Variants in SV2B observed in about 807,000 individuals in gnomAD.
SV2B encodes solute carrier family 22 member B2.
A neutral mutation model predicts 73.9 loss-of-function variants in SV2B; 41 were observed. That is an observed-to-expected ratio of 0.56 (90% CI 0.43 to 0.72). The LOEUF (loss-of-function observed/expected upper bound fraction) is 0.72, where lower values mean the gene tolerates loss of function less well. SV2B is among the 30% of genes least tolerant of loss of function. The pLI is 0.00. For missense variants in SV2B, 764 were observed against 857.8 expected, an observed-to-expected ratio of 0.89 and a Z score of 1.37; for synonymous variants, 314 against 314.2, an observed-to-expected ratio of 1.00 and a Z score of 0.01.
intron 1 of SV2B, among the ~76,000 whole-genome samples, chr15:91,206,041 T>C (rs145931674): frequency 6.6e-6 from 1 of 151,852 alleles, no homozygotes; most frequent in East Asian, 1.9e-4. Context: ...TGGTTGTGGG[T>C]GGTTGTTTGT....
chr15:91,163,562 C>G (rs2043802733), intron 1 of SV2B, among the ~76,000 whole-genome samples: 1 of 152,154 alleles, frequency 6.6e-6, no homozygotes, highest in Admixed American at 6.5e-5. Flanking sequence ...TAAATGTCTT[C>G]TTTTGAGAAG....
chr15:91,208,124 C>T (rs923893415), intron 1 of SV2B, among the ~76,000 whole-genome samples: 4 of 152,102 alleles, frequency 2.6e-5, no homozygotes, highest in Non-Finnish European at 4.4e-5. Context: ...CCATCAATAT[C>T]GACAGTCTCA....
chr15:91,252,143 C>G lies in SV2B; in HGVS notation c.632+144C>G. The G allele has an allele frequency of 8.0e-7, 1 of 1,245,880 alleles. No homozygotes were observed. The highest frequency in any genetic ancestry group is 1.1e-6 in the Non-Finnish European group (1 of 912,062). The allele number at this position is 1,245,880 out of a possible 1,614,324, so 77.2% of individuals were successfully genotyped here. On this transcript the variant is annotated intron_variant, in intron 3 of 12. Coordinates refer to ENST00000394232, the MANE Select transcript of SV2B (RefSeq NM_001323032.3). The surrounding 1 kb of genome is among the most constrained non-coding windows in gnomAD (Gnocchi z 4.6). ...TTCAGGATACTATATTAAAGTTGAA[C>G]CTTAGAAAGAGTTAGGGTTAGGATT...
In SV2B at chr15:91,226,392, C is replaced by T. The variant is rs138595617; in HGVS notation, c.129C>T (p.Asp43=). 118 of 1,614,042 alleles carry T rather than the reference C, an allele frequency of 7.3e-5. No homozygotes were observed. The highest frequency in any genetic ancestry group is 3.3e-4 in the Middle Eastern group (2 of 6,084). ...TCACCGAAGGCCATGATGAGGAAGA[C>T]GAGATCTATGAGGGCGAGTACCAGG... ...SDVTEGHDEE[D]EIYEGEYQGI... Residue 43 remains aspartate (D), a synonymous_variant, in exon 2 of 13, where the codon GAC becomes GAT. Coordinates refer to ENST00000394232, the MANE Select transcript of SV2B (RefSeq NM_001323032.3).
At chr15:91,119,205 T>C (rs780615610) in intron 1 of SV2B, among the ~76,000 whole-genome samples, 10 of 152,280 alleles carry the variant, frequency 6.6e-5, no homozygotes, top group Non-Finnish European at 1.0e-4. Context: ...AGCTATCTTT[T>C]TAAGGATAAA....
chr15:91,104,450 A>G (rs1259139276), intron 1 of SV2B, among the ~76,000 whole-genome samples: 1 of 152,218 alleles, frequency 6.6e-6, no homozygotes, highest in Non-Finnish European at 1.5e-5. Context: ...CCGTCACTTT[A>G]TCTTTGTCTA....
chr15:91,191,867 C>A (rs1211887854), intron 1 of SV2B, among the ~76,000 whole-genome samples: 1 of 152,084 alleles, frequency 6.6e-6, no homozygotes, highest in East Asian at 1.9e-4. Context: ...ATCTCATTTT[C>A]TTTTTGAAAA....
chr15:91,147,571 C>T (rs963014285), intron 1 of SV2B, among the ~76,000 whole-genome samples: 6 of 152,148 alleles, frequency 3.9e-5, no homozygotes, highest in South Asian at 2.1e-4. Context: ...CCCTTTTCTG[C>T]TCTTTAAGGC....
chr15:91,225,021 A>G (rs1391729622), intron 1 of SV2B, among the ~76,000 whole-genome samples: 2 of 152,228 alleles, frequency 1.3e-5, no homozygotes, highest in Non-Finnish European at 2.9e-5. Flanking sequence ...CTTAAATAGT[A>G]TTTACCCGTG....
chr15:91,252,607 A>C lies in SV2B; in HGVS notation c.784+87A>C. 1 of 1,405,832 alleles carries C rather than the reference A, an allele frequency of 7.1e-7. No individual in the cohort carries two copies. The highest frequency in any genetic ancestry group is 9.3e-7 in the Non-Finnish European group (1 of 1,069,648). 87.1% of individuals were successfully genotyped at this position (1,405,832 alleles called of 1,614,324 possible). ...TAGTTCCTGTCCTCAGCCTTATTCC[A>C]TGTACTCACGCACAGTTCCCGTACG... is the stretch of plus-strand genomic sequence containing the variant. On this transcript the variant is annotated intron_variant, in intron 4 of 12. Transcript: ENST00000394232. This position sits in a 1 kb window ranked among gnomAD's most constrained non-coding sequence, Gnocchi z 4.6.
chr15:91,257,047 AT>A (rs2047722170), intron 4 of SV2B, among the ~76,000 whole-genome samples: 1 of 152,236 alleles, frequency 6.6e-6, no homozygotes. Context: ...TCTTTCACAA[AT>A]ACCATTTGAA....
At chr15:91,112,999 A>T (rs746557139) in intron 1 of SV2B, among the ~76,000 whole-genome samples, 1 of 152,004 alleles carries the variant, frequency 6.6e-6, no homozygotes, top group Non-Finnish European at 1.5e-5. Flanking sequence ...TATTAAATTA[A>T]TTTTTTTCTT....
In SV2B at chr15:91,258,276, G is replaced by A. The variant is rs909770908; in HGVS notation, c.785-145G>A. 3.7e-6 allele frequency: 4 copies of A among 1,071,330 alleles called. No individual in the cohort carries two copies. The highest frequency in any genetic ancestry group is 5.1e-6 in the Non-Finnish European group (4 of 779,466). The allele number at this position is 1,071,330 out of a possible 1,614,324, so 66.4% of individuals were successfully genotyped here. On this transcript the variant is annotated intron_variant, in intron 4 of 12. Coordinates refer to ENST00000394232, the MANE Select transcript of SV2B (RefSeq NM_001323032.3). This position sits in a 1 kb window ranked among gnomAD's most constrained non-coding sequence, Gnocchi z 4.7. ...GGCTTATGACTCAGAAGCTTCGGAG[G>A]CACAGCTGAGGAGTCTGCATTTTAA... is the stretch of plus-strand genomic sequence containing the variant.
In SV2B at chr15:91,288,718, C is replaced by T. The variant is rs2048944725; in HGVS notation, c.1709-803C>T. Among the ~76,000 whole-genome samples the T allele has an allele frequency of 6.6e-6, 1 of 151,822 alleles. No homozygotes were observed. The highest frequency in any genetic ancestry group is 1.5e-5 in the Non-Finnish European group (1 of 67,982). Reference sequence around the variant, plus strand: ...TTTTTGACAGTGTCTTGCTCTGTCACCCAGGCTGGAGTACAGTGGCGCCAT... The same window carrying T: ...TTTTTGACAGTGTCTTGCTCTGTCATCCAGGCTGGAGTACAGTGGCGCCAT... On this transcript the variant is annotated intron_variant, in intron 11 of 12. Coordinates refer to ENST00000394232, the MANE Select transcript of SV2B (RefSeq NM_001323032.3). The surrounding 1 kb of genome is among the most constrained non-coding windows in gnomAD (Gnocchi z 5.8).
intron 1 of SV2B, among the ~76,000 whole-genome samples, chr15:91,114,778 C>T (rs888908030): frequency 5.3e-5 from 8 of 152,166 alleles, no homozygotes; most frequent in East Asian, 1.9e-4. Flanking sequence ...AGCAGAAGAA[C>T]GGGTCTCTGG....
rs1055045768 is a variant in SV2B at position 91,195,359 on chromosome 15, T to G, written c.-391-30514T>G. Among the ~76,000 whole-genome samples, 11 of 152,264 alleles carry G rather than the reference T, an allele frequency of 7.2e-5. No individual in the cohort carries two copies. The East Asian group carries it at 2.1e-3, about 29-fold the overall frequency. ...ACTGTTTGTAGAGACAAGGTATCACTGTGTTGCCCACACTGGTCTTGAACT... is the reference window on the plus strand; with the variant it reads ...ACTGTTTGTAGAGACAAGGTATCACGGTGTTGCCCACACTGGTCTTGAACT... On this transcript the variant is annotated intron_variant, in intron 1 of 12. Coordinates refer to ENST00000394232, the MANE Select transcript of SV2B (RefSeq NM_001323032.3).
chr15:91,166,723 A>G (rs150943310), intron 1 of SV2B, among the ~76,000 whole-genome samples: 2,444 of 151,826 alleles, frequency 0.016, 26 homozygotes, highest in Middle Eastern at 0.051. Flanking sequence ...TTCCTGAGTC[A>G]TGTTTATTCC....
Position 91,283,994 on chromosome 15 carries a change from G to T in SV2B, c.1508-27G>T, listed in dbSNP as rs755840470. On this transcript the variant is annotated intron_variant, in intron 10 of 12. Coordinates refer to ENST00000394232, the MANE Select transcript of SV2B (RefSeq NM_001323032.3). This position sits in a 1 kb window ranked among gnomAD's most constrained non-coding sequence, Gnocchi z 4.3. ...CTCTCCAGCTCCCTTCCACTTACATGAACCGAAGGTTTCCTTCTCTCCCCA... is the reference window on the plus strand; with the variant it reads ...CTCTCCAGCTCCCTTCCACTTACATTAACCGAAGGTTTCCTTCTCTCCCCA... The T allele has an allele frequency of 1.9e-6, 3 of 1,612,424 alleles. No individual in the cohort carries two copies. Among genetic ancestry groups the T allele is most frequent in the Non-Finnish European group, 1.7e-6 (2 of 1,178,934 alleles).
chr15:91,249,168 A>G (rs2047382296), intron 2 of SV2B, among the ~76,000 whole-genome samples: 1 of 152,016 alleles, frequency 6.6e-6, no homozygotes, highest in Admixed American at 6.6e-5. Context: ...ATTCCCCTAC[A>G]TGAACTATGC....
Sources: gnomAD v4.1 joint callset for allele counts (sites outside exome capture counted in the v4.1 genomes callset) on GRCh38, gnomAD v4.1.1 for gene constraint, Gnocchi (gnomAD v3.1) non-coding constraint, MANE v1.5 for transcripts, NCBI Gene and HGNC (gene_info 2026-07-23, HGNC 2026-07-21) for gene names.